The following PPL variants were observed in gnomAD, a reference collection of about 807,000 sequenced individuals.
The protein encoded by PPL is periplakin, also known as 190 kDa paraneoplastic pemphigus antigen.
A neutral mutation model predicts 194.4 loss-of-function variants in PPL; 198 were observed. The observed-to-expected ratio is 1.02, with a 90% CI of 0.91 to 1.15. The LOEUF is 1.15. Among genes scored for constraint, PPL ranks in the 50% most tolerant of loss-of-function variants. PPL has a pLI of 0.00. For synonymous variants in PPL, 1,220 were observed against 972.4 expected, an observed-to-expected ratio of 1.25 and a Z score of -4.74; for missense variants, 2,885 against 2,294.8, an observed-to-expected ratio of 1.26 and a Z score of -5.25.
At position 4,892,231 on chromosome 16, in the gene PPL, C is replaced by T; in HGVS notation, c.1651-18G>A. 2 of 1,602,696 alleles carry T rather than the reference C, an allele frequency of 1.2e-6. No homozygotes were observed. The highest frequency in any genetic ancestry group is 1.7e-6 in the Non-Finnish European group (2 of 1,171,676). ...GTGATGTTCTGTGGGAACCAGGGCC[C>T]CTCAGTTTTGGACACAGCCAGGCAG... is the stretch of plus-strand genomic sequence containing the variant. On this transcript the variant is annotated intron_variant, in intron 14 of 21. Coordinates refer to ENST00000345988, the MANE Select transcript of PPL (RefSeq NM_002705.5).
intron 1 of PPL, among the ~76,000 whole-genome samples, chr16:4,916,658 C>T (rs971062625): frequency 1.5e-5 from 2 of 134,172 alleles, no homozygotes; most frequent in African/African-American, 2.7e-5. Context: ...GCGCCTGGCA[C>T]CGTGCCCAGC....
intron 1 of PPL, among the ~76,000 whole-genome samples, chr16:4,932,708 G>T (rs752703591): frequency 6.6e-6 from 1 of 152,072 alleles, no homozygotes; most frequent in Admixed American, 6.6e-5. Flanking sequence ...GTGAGCTACC[G>T]CGCCCAGCCC....
At chr16:4,911,683 T>C (rs1465534756) in intron 1 of PPL, among the ~76,000 whole-genome samples, 1 of 150,486 alleles carries the variant, frequency 6.6e-6, no homozygotes, top group African/African-American at 2.5e-5. Flanking sequence ...TACAGGCACA[T>C]GCCACCACTC....
At chr16:4,901,113 A>G in intron 4 of PPL, 24 bp from the exon 5 acceptor site, 2 of 1,612,984 alleles carry the variant, frequency 1.2e-6, no homozygotes, top group Non-Finnish European at 1.7e-6. Flanking sequence ...CAGAGAAGCA[A>G]TAAGGAGAGG....
chr16:4,922,841 C>G (rs543764506), intron 1 of PPL, among the ~76,000 whole-genome samples: 1 of 152,268 alleles, frequency 6.6e-6, no homozygotes, highest in Admixed American at 6.5e-5. Flanking sequence ...GTTGCCTTGC[C>G]GGGGCACGTG....
Position 4,891,888 on chromosome 16 carries a change from G to A in PPL, c.1891C>T (p.His631Tyr), listed in dbSNP as rs34936263. ...LQQSWELLAT[H>Y]ENHLNQDDTV... is the part of the protein sequence containing the mutation. Reference sequence around the variant, plus strand: ...TCATCCTGATTCAGATGGTTCTCGTGTGTGGCCAGCAACTCCCAGCTCTGC... The same window carrying A: ...TCATCCTGATTCAGATGGTTCTCGTATGTGGCCAGCAACTCCCAGCTCTGC... Residue 631 changes from histidine (H) to tyrosine (Y), a missense_variant, in exon 16 of 22, where the codon CAC becomes TAC. His to Tyr is a moderately conservative substitution (Grantham distance 83, BLOSUM62 2). Transcript: ENST00000345988. The A allele has an allele frequency of 1.5e-3, 2,435 of 1,613,572 alleles. 38 individuals carry two copies. In the African/African-American group the frequency reaches 0.028, roughly 18 times the overall value.
At chr16:4,903,506 G>A (rs1186204886) in intron 3 of PPL, among the ~76,000 whole-genome samples, 1 of 152,070 alleles carries the variant, frequency 6.6e-6, no homozygotes, top group Admixed American at 6.6e-5. Context: ...GATCACCTAA[G>A]GTCTGGAGTT....
rs2088250826 is a variant in PPL, at chr16:4,888,236, A to G, written c.2398-18T>C. 1.3e-6 allele frequency: 2 copies of G among 1,539,338 alleles called. No individual in the cohort carries two copies. The highest frequency in any genetic ancestry group is 1.8e-6 in the Non-Finnish European group (2 of 1,112,194). ...TCATAGTCCTGCATGAGGGAGAGACATGGCAGAGGGGAGATTAAAACAGCT... is the reference window on the plus strand; with the variant it reads ...TCATAGTCCTGCATGAGGGAGAGACGTGGCAGAGGGGAGATTAAAACAGCT... On this transcript the variant is annotated intron_variant, in intron 19 of 21. Transcript: ENST00000345988.
In PPL at chr16:4,885,077, A is replaced by C; in HGVS notation, c.3578T>G (p.Leu1193Arg). Residue 1193 changes from leucine (L) to arginine (R), a missense_variant, in exon 22 of 22, where the codon CTG (leucine) becomes CGG (arginine). Physicochemically the swap from Leu to Arg is moderately radical, Grantham distance 102 (BLOSUM62 -2). Transcript: ENST00000345988. The surrounding 1 kb of genome is among the most constrained non-coding windows in gnomAD (Gnocchi z 6.3). Reference sequence around the variant, plus strand: ...CTTTCGCTCCTGCTCCACAAGCTCCAGGCGGAGGTTCGCCACTTCACTTTC... The same window carrying C: ...CTTTCGCTCCTGCTCCACAAGCTCCCGGCGGAGGTTCGCCACTTCACTTTC... The part of the protein sequence containing the change: ...KAESEVANLR[L>R]ELVEQERKYR... 1 of 1,613,724 alleles carries C rather than the reference A, an allele frequency of 6.2e-7. No homozygotes were observed. Among genetic ancestry groups the C allele is most frequent in the Non-Finnish European group, 8.5e-7 (1 of 1,180,022 alleles).
intron 19 of PPL, 136 bp from the exon 20 acceptor site, chr16:4,888,354 C>T: frequency 3.2e-6 from 2 of 634,170 alleles, no homozygotes; most frequent in Non-Finnish European, 5.7e-6. Context: ...GGGTCTTCCT[C>T]ACAGCTGCAC....
At chr16:4,931,939 G>A (rs1334363794) in intron 1 of PPL, among the ~76,000 whole-genome samples, 1 of 152,218 alleles carries the variant, frequency 6.6e-6, no homozygotes, top group Non-Finnish European at 1.5e-5. Flanking sequence ...CTGGGCAAGG[G>A]ATGGAGGGGC....
chr16:4,887,945 C>T (rs937547001), intron 20 of PPL, among the ~76,000 whole-genome samples, 157 bp downstream of exon 20: 2 of 152,214 alleles, frequency 1.3e-5, no homozygotes. Flanking sequence ...ACAAGTTCCT[C>T]ATCTCTTACC....
At chr16:4,886,078 G>C in intron 21 of PPL, 31 bp from the exon 22 acceptor site, 1 of 1,612,840 alleles carries the variant, frequency 6.2e-7, no homozygotes, top group Non-Finnish European at 8.5e-7. Flanking sequence ...CAAGGTTAAA[G>C]CCAGGCTCTG....
intron 1 of PPL, among the ~76,000 whole-genome samples, chr16:4,918,292 C>A (rs377199963): frequency 9.5e-4 from 132 of 138,382 alleles, no homozygotes; most frequent in South Asian, 1.4e-3. Context: ...GACTCCATTT[C>A]AAAAAAAAAA....
chr16:4,935,632 A>T (rs1238820662), intron 1 of PPL, among the ~76,000 whole-genome samples: 1 of 152,152 alleles, frequency 6.6e-6, no homozygotes. Flanking sequence ...GAAAGAGCCC[A>T]AACGGAGATA....
At chr16:4,899,562 C>G (rs935954406) in intron 6 of PPL, among the ~76,000 whole-genome samples, 178 bp from the exon 7 acceptor site, 3 of 139,602 alleles carry the variant, frequency 2.1e-5, no homozygotes, top group African/African-American at 7.9e-5. Context: ...GACAAGTCAC[C>G]TGAACCCCTG....
At chr16:4,892,566 G>C (rs73519135) in intron 14 of PPL, among the ~76,000 whole-genome samples, 10,310 of 152,228 alleles carry the variant, frequency 0.068, 1,171 homozygotes, top group African/African-American at 0.23. Context: ...GGGGTGTGAC[G>C]ACTCCCAGCA....
intron 1 of PPL, among the ~76,000 whole-genome samples, chr16:4,916,991 G>A (rs553846779): frequency 1.1e-3 from 165 of 152,204 alleles, no homozygotes; most frequent in African/African-American, 3.8e-3. Context: ...AATTAGCTGG[G>A]CGTGGTGGTA....
chr16:4,932,002 C>T (rs891267591), intron 1 of PPL, among the ~76,000 whole-genome samples: 1 of 152,112 alleles, frequency 6.6e-6, no homozygotes, highest in Non-Finnish European at 1.5e-5. Flanking sequence ...AGGCAGTGAG[C>T]ACAAACACCA....
Sources: allele counts gnomAD v4.1 joint callset (sites outside exome capture counted in the v4.1 genomes callset), GRCh38; gene constraint gnomAD v4.1.1; non-coding constraint Gnocchi (gnomAD v3.1); transcripts MANE v1.5; gene names NCBI Gene and HGNC (gene_info 2026-07-23, HGNC 2026-07-21).